The following RNF150 variants were observed in gnomAD, a reference collection of about 807,000 sequenced individuals.
RNF150 encodes ring finger protein 150.
A neutral mutation model predicts 39.3 loss-of-function variants in RNF150; 24 were observed. The observed-to-expected ratio is 0.61, with a 90% CI of 0.44 to 0.86. The LOEUF is 0.86. RNF150 is among the 40% of genes least tolerant of loss of function. The pLI is 0.00. For synonymous variants in RNF150, 255 were observed against 227.3 expected, an observed-to-expected ratio of 1.12 and a Z score of -1.10; for missense variants, 502 against 587.8, an observed-to-expected ratio of 0.85 and a Z score of 1.51.
In RNF150 at chr4:141,120,273, T is replaced by A. The variant is rs143969099; in HGVS notation, c.484+12052A>T. Among the ~76,000 whole-genome samples, 465 of 152,234 alleles carry A rather than the reference T, an allele frequency of 3.1e-3. 1 individual carries two copies. The highest frequency in any genetic ancestry group is 9.9e-3 in the African/African-American group (412 of 41,538). On this transcript the variant is annotated intron_variant, in intron 1 of 6. Coordinates refer to ENST00000515673, the MANE Select transcript of RNF150 (RefSeq NM_020724.2). ...AACAGCAGATGAAATATTTTCACAG[T>A]GGCCAGAGAAAACTGACAAAGGGGG... is the stretch of plus-strand genomic sequence containing the variant.
chr4:141,001,465 A>G (rs1302032872), intron 1 of RNF150, among the ~76,000 whole-genome samples: 2 of 152,162 alleles, frequency 1.3e-5, no homozygotes, highest in Admixed American at 1.3e-4. Context: ...TTATAAAAGA[A>G]GATAAAATAA....
chr4:141,129,915 A>G (rs1169766719), intron 1 of RNF150, among the ~76,000 whole-genome samples: 1 of 152,222 alleles, frequency 6.6e-6, no homozygotes, highest in Non-Finnish European at 1.5e-5. Flanking sequence ...AAAATAAAGC[A>G]TCTAAGGAAA....
Position 141,061,346 on chromosome 4 carries a change from C to G in RNF150, c.484+70979G>C, listed in dbSNP as rs186932677. 3.5e-3 allele frequency among the ~76,000 whole-genome samples: 527 copies of G among 152,158 alleles called. 4 individuals carry two copies. Among genetic ancestry groups the G allele is most frequent in the Middle Eastern group, 0.017 (5 of 294 alleles). ...AAAGCAATTCTGAGCTATTTGTTCA[C>G]ACATTGGAGATAAATAAAATATACT... On this transcript the variant is annotated intron_variant, in intron 1 of 6. Coordinates refer to ENST00000515673, the MANE Select transcript of RNF150 (RefSeq NM_020724.2).
chr4:140,967,856 C>T lies in RNF150; in HGVS notation c.502G>A (p.Ala168Thr), dbSNP rs1253133515. 1 of 1,612,932 alleles carries T rather than the reference C, an allele frequency of 6.2e-7. No individual in the cohort carries two copies. The highest frequency in any genetic ancestry group is 8.5e-7 in the Non-Finnish European group (1 of 1,179,410). Reference sequence around the variant, plus strand: ...CCTTTTGGCTCAGGAATCATTATGGCCACGATGTCTTCTACACCTGTGGTA... The same window carrying T: ...CCTTTTGGCTCAGGAATCATTATGGTCACGATGTCTTCTACACCTGTGGTA... ...MPHAGVEDIV[A>T]IMIPEPKGKE... Residue 168 changes from alanine to threonine, a missense_variant, in exon 2 of 7, where the codon GCC (alanine) becomes ACC (threonine). Transcript: ENST00000515673.
intron 1 of RNF150, among the ~76,000 whole-genome samples, chr4:141,156,954 T>C (rs1239092720): frequency 6.6e-6 from 1 of 151,896 alleles, no homozygotes; most frequent in Non-Finnish European, 1.5e-5. Context: ...TCAATTAAGG[T>C]CCAGGCATTT....
At chr4:141,129,937 T>G (rs1198962064) in intron 1 of RNF150, among the ~76,000 whole-genome samples, 1 of 152,224 alleles carries the variant, frequency 6.6e-6, no homozygotes, top group African/African-American at 2.4e-5. Context: ...GTGATAGATA[T>G]ATCATCAGCT....
intron 1 of RNF150, among the ~76,000 whole-genome samples, chr4:141,045,613 G>A (rs1027962605): frequency 2.6e-5 from 4 of 151,624 alleles, no homozygotes; most frequent in East Asian, 1.9e-4. Context: ...GCGTGATCTC[G>A]GCTCACTGAA....
rs1726914408 is a variant in RNF150 at position 141,132,285 on chromosome 4, C to G, written c.484+40G>C. 1 of 1,551,396 alleles carries G rather than the reference C, an allele frequency of 6.4e-7. No individual in the cohort carries two copies. The highest frequency in any genetic ancestry group is 8.7e-7 in the Non-Finnish European group (1 of 1,146,846). ...CTGGATCCCTCTAGGCACCTCCGTC[C>G]CCGCCGGCTCCCCTCCCCCGCGCCC... On this transcript the variant is annotated intron_variant, in intron 1 of 6. Transcript: ENST00000515673. The surrounding 1 kb of genome is among the most constrained non-coding windows in gnomAD (Gnocchi z 4.9).
chr4:140,899,954 C>CTCTCTA (rs1343315290), intron 6 of RNF150, among the ~76,000 whole-genome samples: 6 of 110,784 alleles, frequency 5.4e-5, no homozygotes, highest in Admixed American at 2.8e-4. Context: ...TTCTCTCTCT[C>CTCTCTA]TCTCTCTCTC....
intron 1 of RNF150, among the ~76,000 whole-genome samples, chr4:141,139,771 TG>T (rs769941645): frequency 3.3e-5 from 5 of 151,904 alleles, no homozygotes; most frequent in Admixed American, 6.6e-5. Flanking sequence ...AAGTTAAGAG[TG>T]GAGTAACTTG....
rs527875979 is a variant in RNF150 at position 141,181,848 on chromosome 4, G to A, written c.-6+30946C>T. 4.6e-5 allele frequency among the ~76,000 whole-genome samples: 7 copies of A among 152,292 alleles called. No homozygotes were observed. The East Asian group carries it at 1.3e-3, about 29-fold the overall frequency. ...AATGGAAAATATATTTATACAGACA[G>A]ACCCAGCATTTTTATATTCAACAAT... On this transcript the variant is annotated intron_variant, in intron 1 of 7. Transcript: ENST00000420921.
At chr4:141,116,011 T>C (rs529298426) in intron 1 of RNF150, among the ~76,000 whole-genome samples, 84 of 152,176 alleles carry the variant, frequency 5.5e-4, no homozygotes, top group African/African-American at 1.9e-3. Flanking sequence ...TTACAGACTT[T>C]AACGTAAGAC....
intron 1 of RNF150, among the ~76,000 whole-genome samples, chr4:141,183,263 G>A (rs1421654297): frequency 1.3e-5 from 2 of 152,084 alleles, no homozygotes; most frequent in Non-Finnish European, 2.9e-5. Context: ...TGATCATGAT[G>A]GTAGACCTGT....
At chr4:141,168,820 G>A (rs1374078360) in intron 1 of RNF150, among the ~76,000 whole-genome samples, 1 of 152,140 alleles carries the variant, frequency 6.6e-6, no homozygotes, top group Non-Finnish European at 1.5e-5. Context: ...GGGAGGGATA[G>A]CATTAGGAGA....
At chr4:140,958,800 T>C (rs1038316574) in intron 2 of RNF150, among the ~76,000 whole-genome samples, 1 of 152,126 alleles carries the variant, frequency 6.6e-6, no homozygotes, top group African/African-American at 2.4e-5. Context: ...TCCAGGGGCA[T>C]GATCAGGGCT....
At chr4:141,092,997 C>T (rs1247099070) in intron 1 of RNF150, among the ~76,000 whole-genome samples, 2 of 152,136 alleles carry the variant, frequency 1.3e-5, no homozygotes, top group East Asian at 3.9e-4. Flanking sequence ...GCATCTACTA[C>T]TCCTAGTGGC....
Position 140,967,878 on chromosome 4 carries a change from G to A in RNF150, c.485-5C>T. ...TGGCCACGATGTCTTCTACACCTGT[G>A]GTAAGAGGGGAAGGAAGGGGCAATA... On this transcript the variant is annotated splice_polypyrimidine_tract_variant and splice_region_variant and intron_variant, in intron 1 of 6. Transcript: ENST00000515673. 6.2e-7 allele frequency: 1 copy of A among 1,611,990 alleles called. No homozygotes were observed. Among genetic ancestry groups the A allele is most frequent in the Non-Finnish European group, 8.5e-7 (1 of 1,178,462 alleles).
chr4:140,911,296 G>A lies in RNF150; in HGVS notation c.1046C>T (p.Pro349Leu), dbSNP rs1290052496. The A allele has an allele frequency of 1.9e-6, 3 of 1,614,136 alleles. No homozygotes were observed. The highest frequency in any genetic ancestry group is 1.7e-6 in the Non-Finnish European group (2 of 1,180,024). Residue 349 changes from proline to leucine, a missense_variant, in exon 6 of 7, where the codon CCA (proline) becomes CTA (leucine). Pro to Leu is a moderately conservative substitution (Grantham distance 98). Coordinates refer to ENST00000515673, the MANE Select transcript of RNF150 (RefSeq NM_020724.2). ...GGCACCTGTGATCTGGTTGGTGGGT[G>A]GACCTCCCAGAGAGCCCTCGAAGTC... ...PTDFEGSLGG[P>L]PTNQITGASD...
intron 6 of RNF150, among the ~76,000 whole-genome samples, chr4:140,888,936 C>T (rs959838328): frequency 6.6e-6 from 1 of 152,202 alleles, no homozygotes; most frequent in Non-Finnish European, 1.5e-5. Flanking sequence ...CCATTCACTT[C>T]ATACGAAGGA....
Sources: allele counts gnomAD v4.1 joint callset (sites outside exome capture counted in the v4.1 genomes callset), GRCh38; gene constraint gnomAD v4.1.1; non-coding constraint Gnocchi (gnomAD v3.1); transcripts MANE v1.5; gene names NCBI Gene and HGNC (gene_info 2026-07-23, HGNC 2026-07-21).